WFDC5: variants seen among roughly 807,000 people sequenced by gnomAD.
WFDC5 encodes the protein WAP four-disulfide core domain protein 5.
Under a neutral mutation model 15.7 loss-of-function variants are expected in WFDC5, and 15 were observed. That is an observed-to-expected ratio of 0.96 (90% confidence interval 0.64 to 1.47). WFDC5 has a LOEUF of 1.47. Among genes scored for constraint, WFDC5 ranks in the 40% most tolerant of loss-of-function variants. The pLI is 0.00. For missense variants in WFDC5, 280 were observed against 258.0 expected, an observed-to-expected ratio of 1.09 and a Z score of -0.59; for synonymous variants, 109 against 107.7, an observed-to-expected ratio of 1.01 and a Z score of -0.07.
chr20:45,110,733 A>T, exon 2 of WFDC5: 1 of 1,614,216 alleles, frequency 6.2e-7, no homozygotes, highest in Non-Finnish European at 8.5e-7. Flanking sequence ...AGGCACCGAT[A>T]GGAGGCAGGG....
chr20:45,113,775 T>C (rs1177288091), intron 1 of WFDC5, among the ~76,000 whole-genome samples: 1 of 152,076 alleles, frequency 6.6e-6, no homozygotes, highest in Non-Finnish European at 1.5e-5. Flanking sequence ...CAGTCCTGGG[T>C]TTTTGCTGTA....
chr20:45,110,428 G>C lies in WFDC5; in HGVS notation c.339C>G (p.Cys113Trp), dbSNP rs145123781. 3.1e-6 allele frequency: 5 copies of C among 1,610,252 alleles called. No individual in the cohort carries two copies. In the African/African-American group the frequency reaches 6.7e-5, roughly 21 times the overall value. The change falls in exon 3 of 4, where the codon TGC becomes TGG. Residue 113 changes from cysteine to tryptophan, a missense_variant. Physicochemically the swap from Cys to Trp is radical, Grantham distance 215 (BLOSUM62 -2). Coordinates refer to ENST00000307971, the Ensembl canonical transcript of WFDC5. ...TGGCAGGATCCCGGCAATCCCGCCC[G>C]CAGGCGCTGTGGCAGCATCGCTTTT...
upstream of WFDC5, chr20:45,115,299 G>A (rs1417494542): frequency 1.8e-6 from 1 of 543,040 alleles, no homozygotes. Context: ...CTGCATGTGG[G>A]GGACTCAGAT....
intron 1 of WFDC5, among the ~76,000 whole-genome samples, chr20:45,113,460 G>A (rs767820010): frequency 3.9e-4 from 59 of 152,330 alleles, no homozygotes; most frequent in Non-Finnish European, 7.9e-4. Flanking sequence ...CCAGCTCTTT[G>A]CCTCTGAGCA....
rs911435731 is a variant in WFDC5 at position 45,111,231 on chromosome 20, G to T, written c.86-456C>A. Among the ~76,000 whole-genome samples the T allele has an allele frequency of 2.0e-5, 3 of 151,760 alleles. 1 individual carries two copies. The highest frequency in any genetic ancestry group is 4.4e-5 in the Non-Finnish European group (3 of 68,024). On this transcript the variant is annotated intron_variant, in intron 1 of 3. Coordinates refer to ENST00000307971, the Ensembl canonical transcript of WFDC5. ...CTCATTAGGACTCAGCAGAAACATC[G>T]CATCCTCAGAAGACCCTACTTCTCT...
chr20:45,112,599 C>T (rs752822310), intron 1 of WFDC5, among the ~76,000 whole-genome samples: 4 of 152,086 alleles, frequency 2.6e-5, no homozygotes, highest in African/African-American at 7.2e-5. Flanking sequence ...CAGATGCATG[C>T]GCCATGGGTG....
chr20:45,112,494 ACT>A (rs1264463771), intron 1 of WFDC5, among the ~76,000 whole-genome samples: 4 of 152,078 alleles, frequency 2.6e-5, no homozygotes, highest in Non-Finnish European at 4.4e-5. Context: ...GGTCACACTC[ACT>A]CTGTTTGCCT....
intron 3 of WFDC5, 104 bp from the exon 4 acceptor site, chr20:45,110,117 C>A: frequency 6.7e-7 from 1 of 1,492,670 alleles, no homozygotes; most frequent in Non-Finnish European, 9.0e-7. Flanking sequence ...TGGTTGCCAC[C>A]AAGGCAGGAT....
intron 1 of WFDC5, among the ~76,000 whole-genome samples, chr20:45,112,400 C>A (rs997537624): frequency 2.2e-4 from 34 of 152,290 alleles, no homozygotes; most frequent in African/African-American, 7.9e-4. Context: ...GCTGGCATTT[C>A]CAGTGGAAGA....
rs767070223 is a variant in WFDC5, at chr20:45,110,416, G to T, written c.351C>A (p.Cys117Ter). ...GAGCCGTACCTCTGGCAGGATCCCG[G>T]CAATCCCGCCCGCAGGCGCTGTGGC... Residue 117 changes from cysteine to a stop codon, truncating the protein, a stop_gained, in exon 3 of 4, where the codon TGC becomes TGA. Coordinates refer to ENST00000307971, the Ensembl canonical transcript of WFDC5. LOFTEE classifies it low-confidence loss of function (END_TRUNC). 2.9e-5 allele frequency: 46 copies of T among 1,606,406 alleles called. No individual in the cohort carries two copies. Among genetic ancestry groups the T allele is most frequent in the Middle Eastern group, 1.7e-4 (1 of 6,048 alleles).
exon 4 of WFDC5, chr20:45,109,518 TTAAG>T: frequency 1.9e-6 from 1 of 531,834 alleles, no homozygotes; most frequent in Admixed American, 3.1e-5. Flanking sequence ...AAAGAAAACA[TTAAG>T]TAAATGGTGG....
intron 1 of WFDC5, among the ~76,000 whole-genome samples, chr20:45,113,288 G>A (rs1981671054): frequency 6.6e-6 from 1 of 152,288 alleles, no homozygotes; most frequent in Non-Finnish European, 1.5e-5. Flanking sequence ...CCTTCCCTTG[G>A]CTTCGTCACC....
chr20:45,110,380 T>C lies in WFDC5; in HGVS notation c.387A>G (p.Pro129=), dbSNP rs201836183. ...GCTCGGAGAGGGGAGGCACCTGCCC[T>C]GGGCACCCAGGAGCCGTACCTCTGG... Residue 129 remains proline, a synonymous_variant, in exon 3 of 4, where the codon CCA becomes CCG. Transcript: ENST00000307971. The C allele has an allele frequency of 2.5e-5, 40 of 1,584,958 alleles. No homozygotes were observed. In the Admixed American group the frequency reaches 6.8e-4, roughly 27 times the overall value.
chr20:45,110,832 C>T (rs888133976), intron 1 of WFDC5, 57 bp from the exon 2 acceptor site: 10 of 1,600,502 alleles, frequency 6.2e-6, no homozygotes, highest in East Asian at 4.5e-5. Flanking sequence ...ATGTAATAAG[C>T]GCTGACCTGG....
chr20:45,113,196 C>T (rs564032576), intron 1 of WFDC5, among the ~76,000 whole-genome samples: 2 of 152,200 alleles, frequency 1.3e-5, no homozygotes, highest in Non-Finnish European at 2.9e-5. Flanking sequence ...GACACCCAGA[C>T]GTTTGAGTGA....
Position 45,110,729 on chromosome 20 carries a change from C to T in WFDC5, c.132G>A (p.Ser44=), listed in dbSNP as rs114264609. 206 of 1,614,142 alleles carry T rather than the reference C, an allele frequency of 1.3e-4. No individual in the cohort carries two copies. The African/African-American group carries it at 2.4e-3, about 18-fold the overall frequency. ...TGTCTTCCACGCACTGGTCAGGCACCGATAGGAGGCAGGGCCCATCATCTG... is the reference window on the plus strand; with the variant it reads ...TGTCTTCCACGCACTGGTCAGGCACTGATAGGAGGCAGGGCCCATCATCTG... Residue 44 remains serine, a synonymous_variant, in exon 2 of 4, where the codon TCG becomes TCA. Coordinates refer to ENST00000307971, the Ensembl canonical transcript of WFDC5.
chr20:45,115,629 G>GTCTCCCA (rs1005795748), upstream of WFDC5, among the ~76,000 whole-genome samples: 1 of 152,216 alleles, frequency 6.6e-6, no homozygotes, highest in African/African-American at 2.4e-5. Flanking sequence ...CTCCTCTTGG[G>GTCTCCCA]TCCTGTGGAT....
chr20:45,110,408 G>A, exon 3 of WFDC5: 5 of 1,603,872 alleles, frequency 3.1e-6, no homozygotes, highest in Non-Finnish European at 4.3e-6. Context: ...ACCTCTGGCA[G>A]GATCCCGGCA....
At chr20:45,113,970 G>T (rs990361891) in intron 1 of WFDC5, among the ~76,000 whole-genome samples, 1 of 152,214 alleles carries the variant, frequency 6.6e-6, no homozygotes, top group Non-Finnish European at 1.5e-5. Flanking sequence ...TCAAATACTT[G>T]CATTCAAATG....
Sources: gnomAD v4.1 joint callset for allele counts (sites outside exome capture counted in the v4.1 genomes callset) on GRCh38, gnomAD v4.1.1 for gene constraint, MANE v1.5 for transcripts, NCBI Gene and HGNC (gene_info 2026-07-23, HGNC 2026-07-21) for gene names.